The following STK10 variants were observed in gnomAD, a reference collection of about 807,000 sequenced individuals.
STK10 encodes serine/threonine-protein kinase 10.
In STK10, 78 loss-of-function variants were observed where a neutral mutation model predicts 113.8. The ratio of observed to expected loss-of-function variants is 0.69; its 90% CI spans 0.57 to 0.83. The LOEUF is 0.83. Ranked by LOEUF, STK10 falls within the 40% of genes least tolerant of loss-of-function variation. The pLI is 0.00. For missense variants in STK10, 1,109 were observed against 1,280.1 expected (o/e 0.87, Z 2.04); for synonymous variants, 465 against 494.7 (o/e 0.94, Z 0.80).
At chr5:172,050,598 G>T (rs77488381) in intron 18 of STK10, among the ~76,000 whole-genome samples, 5,653 of 152,124 alleles carry the variant, frequency 0.037, 361 homozygotes, top group African/African-American at 0.13. Context: ...AGCTGATCAC[G>T]TCAAGGGAAA....
intron 1 of STK10, among the ~76,000 whole-genome samples, chr5:172,160,791 C>T (rs959876803): frequency 2.0e-5 from 3 of 152,184 alleles, no homozygotes; most frequent in South Asian, 2.1e-4. Context: ...ATTCCACAGA[C>T]GGACGTGCAA....
chr5:172,077,648 A>G (rs1324359349), intron 12 of STK10, among the ~76,000 whole-genome samples: 1 of 152,136 alleles, frequency 6.6e-6, no homozygotes, highest in African/African-American at 2.4e-5. Flanking sequence ...TATTTTTCCT[A>G]TATGTGTATT....
At chr5:172,114,534 G>A (rs1196049672) in intron 4 of STK10, 1 of 123,134 alleles carries the variant, frequency 8.1e-6, no homozygotes, top group Non-Finnish European at 1.6e-5. Flanking sequence ...CCAGGCTGGA[G>A]TGCAGTGGCG....
At chr5:172,147,031 G>A (rs1770101447) in intron 2 of STK10, among the ~76,000 whole-genome samples, 1 of 152,164 alleles carries the variant, frequency 6.6e-6, no homozygotes, top group Non-Finnish European at 1.5e-5. Context: ...TTCCAGTTGG[G>A]GTTCCCACGA....
At chr5:172,178,235 C>T (rs1363544848) in intron 1 of STK10, among the ~76,000 whole-genome samples, 1 of 152,176 alleles carries the variant, frequency 6.6e-6, no homozygotes, top group Non-Finnish European at 1.5e-5. Flanking sequence ...GTTCAACCCG[C>T]GTGGGGGCCA....
At chr5:172,138,703 A>G (rs1769917635) in intron 2 of STK10, among the ~76,000 whole-genome samples, 1 of 152,082 alleles carries the variant, frequency 6.6e-6, no homozygotes, top group Non-Finnish European at 1.5e-5. Context: ...TGAAAACTAT[A>G]AATTGTTGCA....
chr5:172,097,678 G>A (rs916859046), intron 7 of STK10, among the ~76,000 whole-genome samples: 2 of 152,088 alleles, frequency 1.3e-5, no homozygotes, highest in East Asian at 1.9e-4. Context: ...CATCTGGGCT[G>A]TTTCCCATTT....
At chr5:172,153,791 G>A (rs1269585960) in intron 2 of STK10, among the ~76,000 whole-genome samples, 10 of 152,198 alleles carry the variant, frequency 6.6e-5, no homozygotes, top group Admixed American at 3.9e-4. Flanking sequence ...CTGTATCTCT[G>A]GACTTCTCCC....
intron 17 of STK10, among the ~76,000 whole-genome samples, chr5:172,053,653 T>C (rs1215021847): frequency 6.6e-6 from 1 of 152,180 alleles, no homozygotes; most frequent in Non-Finnish European, 1.5e-5. Context: ...GAATCAGTCT[T>C]GTCATGAGGA....
At chr5:172,073,793 CAAAA>C (rs60492751) in intron 12 of STK10, among the ~76,000 whole-genome samples, 1 of 58,448 alleles carries the variant, frequency 1.7e-5, no homozygotes, top group African/African-American at 5.6e-5. Context: ...CTAAAAATAG[CAAAA>C]AAAAAAAAAA....
chr5:172,053,402 G>A (rs562283952), intron 17 of STK10, among the ~76,000 whole-genome samples: 8 of 149,264 alleles, frequency 5.4e-5, no homozygotes, highest in East Asian at 4.0e-4. Flanking sequence ...CTTCAGAACT[G>A]TGAGAAAGAA....
At chr5:172,166,593 CCAACAG>C (rs1770575634) in intron 1 of STK10, among the ~76,000 whole-genome samples, 1 of 152,122 alleles carries the variant, frequency 6.6e-6, no homozygotes, top group Non-Finnish European at 1.5e-5. Flanking sequence ...AGGACAGAGG[CCAACAG>C]CAACTATGGA....
At chr5:172,102,965 G>A (rs1203228703) in intron 7 of STK10, among the ~76,000 whole-genome samples, 1 of 152,188 alleles carries the variant, frequency 6.6e-6, no homozygotes, top group Non-Finnish European at 1.5e-5. Flanking sequence ...TCAGAGCCTG[G>A]TTACTAACCA....
intron 15 of STK10, 140 bp from the exon 16 acceptor site, chr5:172,055,916 T>TA (rs1767742721): frequency 3.3e-6 from 2 of 602,316 alleles, no homozygotes; most frequent in Non-Finnish European, 4.9e-6. Context: ...AGGCTGGTGT[T>TA]ATTTTGCTTC....
chr5:172,182,550 AT>A (rs774193068), intron 1 of STK10, among the ~76,000 whole-genome samples: 125 of 107,506 alleles, frequency 1.2e-3, no homozygotes, highest in Middle Eastern at 4.9e-3. Flanking sequence ...TGCCCAGCTC[AT>A]TTTTTTTTTT....
chr5:172,097,460 G>A (rs773418861), intron 7 of STK10, among the ~76,000 whole-genome samples: 16 of 152,216 alleles, frequency 1.1e-4, no homozygotes, highest in Non-Finnish European at 1.2e-4. Flanking sequence ...CTCCCACGCC[G>A]CCAGCCTCGG....
intron 1 of STK10, among the ~76,000 whole-genome samples, chr5:172,173,687 C>T (rs1308863240): frequency 6.6e-6 from 1 of 152,200 alleles, no homozygotes; most frequent in South Asian, 2.1e-4. Context: ...CTTTACATCC[C>T]TCCACCCAGA....
chr5:172,102,188 T>C (rs1581156764), intron 7 of STK10, among the ~76,000 whole-genome samples: 2 of 151,954 alleles, frequency 1.3e-5, no homozygotes, highest in African/African-American at 2.4e-5. Flanking sequence ...GTGGCCCAGG[T>C]AGTGGCTGCA....
At chr5:172,057,199 TG>T in intron 15 of STK10, 149 bp downstream of exon 15, 1 of 1,138,426 alleles carries the variant, frequency 8.8e-7, no homozygotes, top group Non-Finnish European at 1.2e-6. Context: ...GAGAACCTCC[TG>T]GGGCCTCACT....
Sources: gnomAD v4.1 joint callset for allele counts (sites outside exome capture counted in the v4.1 genomes callset) on GRCh38, gnomAD v4.1.1 for gene constraint, MANE v1.5 for transcripts, NCBI Gene and HGNC (gene_info 2026-07-23, HGNC 2026-07-21) for gene names.